KANSL1L: variants seen among roughly 807,000 people sequenced by gnomAD.
KANSL1L encodes the protein KAT8 regulatory NSL complex subunit 1 like.
Under a neutral mutation model 108.6 loss-of-function variants are expected in KANSL1L, and 25 were observed. That is an observed-to-expected ratio of 0.23 (90% CI 0.17 to 0.32). KANSL1L has a LOEUF of 0.32. Among genes scored for constraint, KANSL1L ranks in the 10% least tolerant of loss-of-function variants. The probability of loss-of-function intolerance (pLI) is 1.00; values close to 1 mark genes in which losing one functional copy is unlikely to be tolerated. For missense variants in KANSL1L, 1,137 were observed against 1,125.7 expected, an observed-to-expected ratio of 1.01 and a Z score of -0.14; for synonymous variants, 405 against 395.1, an observed-to-expected ratio of 1.03 and a Z score of -0.30.
At chr2:210,077,178 C>G (rs532736919) in intron 5 of KANSL1L, among the ~76,000 whole-genome samples, 2 of 152,162 alleles carry the variant, frequency 1.3e-5, no homozygotes, top group African/African-American at 2.4e-5. Flanking sequence ...TGGTGACTAT[C>G]ATACATTCAA....
rs1449242604 is a variant in KANSL1L at position 210,022,359 on chromosome 2, G to GTCTT, written c.*586_*589dup. 6.6e-6 allele frequency: 1 copy of GTCTT among 152,504 alleles called. No individual in the cohort carries two copies. The highest frequency in any genetic ancestry group is 6.6e-5 in the Admixed American group (1 of 15,256). 9.4% of individuals were successfully genotyped at this position (152,504 alleles called of 1,614,324 possible). On this transcript the variant is annotated 3_prime_UTR_variant, in exon 15 of 15. Transcript: ENST00000281772. ...GTCTCTATATTCAGGACGTTCAGAT[G>GTCTT]TCTTTTATTAGTGGAAACCTGTGTT...
chr2:210,108,002 C>A (rs1454503953), intron 3 of KANSL1L, among the ~76,000 whole-genome samples: 1 of 152,080 alleles, frequency 6.6e-6, no homozygotes, highest in East Asian at 1.9e-4. Context: ...TAAGTGAGAA[C>A]AATTTTTTTT....
At chr2:210,087,298 C>T (rs1019674131) in intron 5 of KANSL1L, among the ~76,000 whole-genome samples, 2 of 152,104 alleles carry the variant, frequency 1.3e-5, no homozygotes, top group African/African-American at 4.8e-5. Context: ...AATTAACAGG[C>T]ATGAGCCATC....
At chr2:210,087,281 T>A (rs547610069) in intron 5 of KANSL1L, among the ~76,000 whole-genome samples, 121 of 152,262 alleles carry the variant, frequency 7.9e-4, no homozygotes, top group Non-Finnish European at 1.5e-3. Context: ...GCCTCTCAAA[T>A]TATTGGAATT....
At chr2:210,053,773 GAAAA>G (rs966044364) in intron 6 of KANSL1L, among the ~76,000 whole-genome samples, 2 of 151,322 alleles carry the variant, frequency 1.3e-5, no homozygotes, top group East Asian at 3.9e-4. Flanking sequence ...GACAAACTGT[GAAAA>G]AAAGTCATAA....
At chr2:210,038,945 T>C (rs989311279) in intron 8 of KANSL1L, among the ~76,000 whole-genome samples, 1 of 151,938 alleles carries the variant, frequency 6.6e-6, no homozygotes, top group South Asian at 2.1e-4. Flanking sequence ...TGATGCTTCA[T>C]AAGAATTTGT....
At position 210,065,725 on chromosome 2, in the gene KANSL1L, A is replaced by G. The variant is rs894173796; in HGVS notation, c.1755+9827T>C. Among the ~76,000 whole-genome samples the G allele has an allele frequency of 2.6e-5, 4 of 151,772 alleles. No individual in the cohort carries two copies. In the East Asian group the frequency reaches 7.8e-4, roughly 30 times the overall value. On this transcript the variant is annotated intron_variant, in intron 6 of 14. Coordinates refer to ENST00000281772, the MANE Select transcript of KANSL1L (RefSeq NM_152519.4). ...CTCAGCCTCCCAAGTAGCTGGGATT[A>G]CAGATGCGCACCACCACGCCCGGCT...
chr2:210,049,195 A>G (rs1018854301), intron 6 of KANSL1L, among the ~76,000 whole-genome samples: 3 of 152,100 alleles, frequency 2.0e-5, no homozygotes, highest in Non-Finnish European at 4.4e-5. Flanking sequence ...AAAAACTTCT[A>G]TGGAGTTTAA....
intron 1 of KANSL1L, among the ~76,000 whole-genome samples, chr2:210,168,602 T>C (rs1688132050): frequency 6.6e-6 from 1 of 152,012 alleles, no homozygotes; most frequent in South Asian, 2.1e-4. Context: ...GTAAAGGAAA[T>C]GAAATAATCT....
chr2:210,074,108 G>T (rs985231247), intron 6 of KANSL1L, among the ~76,000 whole-genome samples: 1 of 152,164 alleles, frequency 6.6e-6, no homozygotes, highest in African/African-American at 2.4e-5. Context: ...CTTCCTGAGA[G>T]AAATGACATT....
At chr2:210,083,068 A>G (rs2094602783) in intron 5 of KANSL1L, among the ~76,000 whole-genome samples, 1 of 152,206 alleles carries the variant, frequency 6.6e-6, no homozygotes, top group African/African-American at 2.4e-5. Context: ...ACAAGAAGAG[A>G]CACACAAAGA....
intron 2 of KANSL1L, among the ~76,000 whole-genome samples, chr2:210,146,870 G>A (rs2095269745): frequency 6.6e-6 from 1 of 152,046 alleles, no homozygotes; most frequent in Non-Finnish European, 1.5e-5. Flanking sequence ...TTTTTCCTTT[G>A]AAAACAAAAC....
chr2:210,166,825 T>G (rs1688002152), intron 1 of KANSL1L, among the ~76,000 whole-genome samples: 1 of 152,012 alleles, frequency 6.6e-6, no homozygotes, highest in South Asian at 2.1e-4. Flanking sequence ...AATAATAAAT[T>G]ATTTCCACAC....
intron 5 of KANSL1L, among the ~76,000 whole-genome samples, chr2:210,082,088 C>T (rs2094595007): frequency 6.6e-6 from 1 of 152,152 alleles, no homozygotes. Context: ...TGCATGCCAC[C>T]ATGCCTGGCT....
intron 5 of KANSL1L, among the ~76,000 whole-genome samples, chr2:210,076,049 A>G (rs531908888): frequency 6.6e-6 from 1 of 152,370 alleles, no homozygotes; most frequent in South Asian, 2.1e-4. Context: ...TTGTAAAACA[A>G]TAATTCATGT....
At chr2:210,145,171 G>C (rs544106488) in intron 2 of KANSL1L, among the ~76,000 whole-genome samples, 115 of 152,288 alleles carry the variant, frequency 7.6e-4, no homozygotes, top group Admixed American at 3.3e-3. Flanking sequence ...CACGAAGACT[G>C]GTGGGGTCGG....
chr2:210,138,727 T>TTTTTATGTTATGGGA (rs2095198699), intron 2 of KANSL1L, among the ~76,000 whole-genome samples: 1 of 152,184 alleles, frequency 6.6e-6, no homozygotes, highest in East Asian at 1.9e-4. Flanking sequence ...AACATATCCA[T>TTTTTATGTTATGGGA]CATCTCATAT....
chr2:210,077,455 G>C (rs1235258128), intron 5 of KANSL1L, among the ~76,000 whole-genome samples: 1 of 152,114 alleles, frequency 6.6e-6, no homozygotes, highest in Non-Finnish European at 1.5e-5. Flanking sequence ...AAGGCATACA[G>C]GAGAGCCAAT....
At chr2:210,139,346 C>A (rs1291818245) in intron 2 of KANSL1L, among the ~76,000 whole-genome samples, 1 of 152,104 alleles carries the variant, frequency 6.6e-6, no homozygotes, top group Non-Finnish European at 1.5e-5. Context: ...CATACTTTGG[C>A]CACTGTAAAT....
Sources: allele counts gnomAD v4.1 joint callset (sites outside exome capture counted in the v4.1 genomes callset), GRCh38; gene constraint gnomAD v4.1.1; transcripts MANE v1.5; gene names NCBI Gene and HGNC (gene_info 2026-07-23, HGNC 2026-07-21).